The following KHDRBS2 variants were observed in gnomAD, a reference collection of about 807,000 sequenced individuals.
KHDRBS2 encodes KH RNA binding domain containing, signal transduction associated 2, also known as KH domain-containing, RNA-binding, signal transduction-associated protein 2.
Under a neutral mutation model 44.3 loss-of-function variants are expected in KHDRBS2, and 26 were observed. The ratio of observed to expected loss-of-function variants is 0.59; its 90% CI spans 0.43 to 0.81. KHDRBS2 has a LOEUF of 0.81. KHDRBS2 is among the 40% of genes least tolerant of loss of function. The pLI is 0.00. For missense variants in KHDRBS2, 476 were observed against 433.1 expected (o/e 1.10, Z -0.88); for synonymous variants, 194 against 151.1 (o/e 1.28, Z -2.08).
chr6:61,582,533 T>C, the KHDRBS2 span, among the ~76,000 whole-genome samples: 3 of 151,718 alleles, frequency 2.0e-5, no homozygotes, highest in Admixed American at 2.0e-4. Flanking sequence ...TAGATAAATT[T>C]CTTCAAAGTA....
intron 4 of KHDRBS2, among the ~76,000 whole-genome samples, chr6:61,912,671 AT>A (rs1392413467): frequency 6.6e-6 from 1 of 152,112 alleles, no homozygotes; most frequent in Non-Finnish European, 1.5e-5. Context: ...AGATCTGCTA[AT>A]TCCACAGACC....
chr6:61,942,199 T>G (rs1812270153), intron 4 of KHDRBS2, among the ~76,000 whole-genome samples: 1 of 152,052 alleles, frequency 6.6e-6, no homozygotes, highest in South Asian at 2.1e-4. Context: ...CCTCAAGTGA[T>G]CCTCTTCTGC....
At chr6:61,732,832 C>T (rs1304674846) in intron 6 of KHDRBS2, 68 bp from the exon 7 acceptor site, 4 of 848,066 alleles carry the variant, frequency 4.7e-6, no homozygotes, top group Non-Finnish European at 8.2e-6. Flanking sequence ...TTTCAGTTAG[C>T]ACAATTTTAT....
chr6:61,632,241 A>T, the KHDRBS2 span, among the ~76,000 whole-genome samples: 1 of 152,186 alleles, frequency 6.6e-6, no homozygotes, highest in African/African-American at 2.4e-5. Context: ...ATACCAAATG[A>T]TCTTTAGAAG....
intron 2 of KHDRBS2, among the ~76,000 whole-genome samples, chr6:62,098,097 T>C (rs913604088): frequency 6.6e-6 from 1 of 152,152 alleles, no homozygotes; most frequent in East Asian, 1.9e-4. Flanking sequence ...GCCTATATTT[T>C]CACCATTAAT....
At chr6:61,885,980 A>G (rs776636388) in intron 6 of KHDRBS2, among the ~76,000 whole-genome samples, 22 of 151,960 alleles carry the variant, frequency 1.4e-4, no homozygotes, top group Non-Finnish European at 2.6e-4. Flanking sequence ...ATCAAACCCT[A>G]TTGTTTTTAC....
At chr6:62,024,814 T>C (rs1782998077) in intron 3 of KHDRBS2, among the ~76,000 whole-genome samples, 1 of 151,640 alleles carries the variant, frequency 6.6e-6, no homozygotes, top group African/African-American at 2.4e-5. Context: ...GTCTCTATTA[T>C]AGCATTACAG....
the KHDRBS2 span, among the ~76,000 whole-genome samples, chr6:61,552,546 G>T: frequency 6.6e-6 from 1 of 152,108 alleles, no homozygotes; most frequent in African/African-American, 2.4e-5. Context: ...TTGACTAGGA[G>T]TGGTGAAAAT....
intron 3 of KHDRBS2, among the ~76,000 whole-genome samples, chr6:61,993,675 T>TATATATATATA (rs61137285): frequency 0.071 from 5,225 of 73,810 alleles, 534 homozygotes; most frequent in Non-Finnish European, 0.11. Context: ...ATATATATAT[T>TATATATATATA]TTTTTTTTTT....
chr6:61,628,719 C>G, the KHDRBS2 span, among the ~76,000 whole-genome samples: 4 of 152,242 alleles, frequency 2.6e-5, no homozygotes, highest in African/African-American at 9.6e-5. Flanking sequence ...ATTTTTGTAG[C>G]ACTTATTGTA....
At chr6:61,579,065 T>C in the KHDRBS2 span, among the ~76,000 whole-genome samples, 1 of 152,166 alleles carries the variant, frequency 6.6e-6, no homozygotes, top group South Asian at 2.1e-4. Context: ...GGCTCCAGTT[T>C]TAAGTTTAAA....
chr6:62,229,903 G>T (rs1443112367), intron 1 of KHDRBS2, among the ~76,000 whole-genome samples: 4 of 152,178 alleles, frequency 2.6e-5, no homozygotes, highest in Non-Finnish European at 5.9e-5. Context: ...GGTTCTTTTT[G>T]ATGGGAGCCT....
intron 3 of KHDRBS2, among the ~76,000 whole-genome samples, chr6:61,979,733 G>A (rs533169602): frequency 6.6e-6 from 1 of 152,172 alleles, no homozygotes; most frequent in African/African-American, 2.4e-5. Context: ...GGGGAGGAGA[G>A]GCAACACTAC....
intron 4 of KHDRBS2, among the ~76,000 whole-genome samples, chr6:61,941,354 T>A (rs9453623): frequency 0.022 from 3,362 of 152,228 alleles, 133 homozygotes; most frequent in African/African-American, 0.077. Context: ...ATGACATTGC[T>A]AATTCCATGT....
chr6:61,776,197 A>C (rs1323870142), intron 6 of KHDRBS2, among the ~76,000 whole-genome samples: 37 of 149,374 alleles, frequency 2.5e-4, no homozygotes, highest in South Asian at 4.3e-4. Context: ...CCTAGAAGAA[A>C]ACGTAGGCAT....
intron 4 of KHDRBS2, among the ~76,000 whole-genome samples, chr6:61,953,120 T>G (rs141592723): frequency 6.6e-6 from 1 of 152,190 alleles, no homozygotes; most frequent in Admixed American, 6.6e-5. Context: ...ATGTAATTTA[T>G]TTATAATGAA....
At chr6:61,869,081 G>C (rs1798218575) in intron 6 of KHDRBS2, among the ~76,000 whole-genome samples, 1 of 152,232 alleles carries the variant, frequency 6.6e-6, no homozygotes, top group African/African-American at 2.4e-5. Flanking sequence ...GGCTGGGGAG[G>C]GGGGTTCCCT....
At chr6:61,565,994 ATGTGG>A in the KHDRBS2 span, among the ~76,000 whole-genome samples, 1 of 96,096 alleles carries the variant, frequency 1.0e-5, no homozygotes, top group Non-Finnish European at 2.2e-5. Context: ...GGTAAAGAAA[ATGTGG>A]TGTGTGTGTG....
intron 3 of KHDRBS2, among the ~76,000 whole-genome samples, chr6:62,041,587 AT>A (rs1344423723): frequency 6.6e-6 from 1 of 152,100 alleles, no homozygotes; most frequent in Non-Finnish European, 1.5e-5. Context: ...TACAGTACAA[AT>A]AATGAGTCAC....
Sources: gnomAD v4.1 joint callset for allele counts (sites outside exome capture counted in the v4.1 genomes callset) on GRCh38, gnomAD v4.1.1 for gene constraint, MANE v1.5 for transcripts, NCBI Gene and HGNC (gene_info 2026-07-23, HGNC 2026-07-21) for gene names.